The following CNTN3 variants were observed in gnomAD, a reference collection of about 807,000 sequenced individuals.
CNTN3 encodes contactin 3.
CNTN3 carries 60 observed loss-of-function variants against 119.1 expected under a neutral mutation model. The ratio of observed to expected loss-of-function variants is 0.50; its 90% confidence interval spans 0.41 to 0.62. The LOEUF (loss-of-function observed/expected upper bound fraction) is 0.62, where lower values mean the gene tolerates loss of function less well. Ranked by LOEUF, CNTN3 falls within the 20% of genes least tolerant of loss-of-function variation. The pLI, the probability that CNTN3 is intolerant of heterozygous loss-of-function variation, is 0.00. For missense variants in CNTN3, 1,101 were observed against 1,242.4 expected (o/e 0.89, Z 1.71); for synonymous variants, 450 against 438.7 (o/e 1.03, Z -0.32).
rs1701604545 is a variant in CNTN3, at chr3:74,263,025, T to A, written c.*1376A>T. 1 of 152,188 alleles carries A rather than the reference T, an allele frequency of 6.6e-6. No individual in the cohort carries two copies. The highest frequency in any genetic ancestry group is 6.5e-5 in the Admixed American group (1 of 15,278). 9.4% of individuals were successfully genotyped at this position (152,188 alleles called of 1,614,324 possible). A position where few individuals can be genotyped will look rare whatever the true frequency, so the allele number is the denominator to read the frequency against. ...GAATTTCCCTAATTTTTAATCTTTC[T>A]TGTTATCTGAACTGTTTTCTAATTC... is the stretch of plus-strand genomic sequence containing the variant. On this transcript the variant is annotated 3_prime_UTR_variant, in exon 23 of 23. Coordinates refer to ENST00000263665, the MANE Select transcript of CNTN3 (RefSeq NM_020872.3).
intron 2 of CNTN3, among the ~76,000 whole-genome samples, chr3:74,517,811 C>T (rs1389732174): frequency 1.3e-5 from 2 of 151,870 alleles, no homozygotes; most frequent in African/African-American, 4.8e-5. Context: ...TAAACCTTCT[C>T]CTCTGTTGCT....
At chr3:74,391,387 T>C (rs1255404625) in intron 5 of CNTN3, among the ~76,000 whole-genome samples, 1 of 152,066 alleles carries the variant, frequency 6.6e-6, no homozygotes, top group Non-Finnish European at 1.5e-5. Context: ...TACATGACCT[T>C]GAGCAAGCTA....
intron 1 of CNTN3, among the ~76,000 whole-genome samples, chr3:74,576,574 C>T (rs1476221085): frequency 6.6e-6 from 1 of 152,026 alleles, no homozygotes; most frequent in Non-Finnish European, 1.5e-5. Context: ...AAAAGAGGTT[C>T]TTTTTATGTA....
chr3:74,331,559 T>C (rs999180362), intron 13 of CNTN3, among the ~76,000 whole-genome samples: 1 of 152,204 alleles, frequency 6.6e-6, no homozygotes, highest in Non-Finnish European at 1.5e-5. Context: ...CACTCACCCA[T>C]GGGCATCAAC....
intron 3 of CNTN3, among the ~76,000 whole-genome samples, chr3:74,499,026 T>C (rs888297230): frequency 6.6e-6 from 1 of 151,528 alleles, no homozygotes; most frequent in Admixed American, 6.6e-5. Flanking sequence ...CCCCAAAATA[T>C]CAATATTTTT....
At chr3:74,368,570 CA>C (rs1158443609) in intron 8 of CNTN3, among the ~76,000 whole-genome samples, 1 of 151,374 alleles carries the variant, frequency 6.6e-6, no homozygotes, top group African/African-American at 2.4e-5. Context: ...AAAAAAATTT[CA>C]AAAAAAGGCA....
intron 4 of CNTN3, among the ~76,000 whole-genome samples, chr3:74,478,763 G>C (rs980995832): frequency 6.6e-6 from 1 of 151,954 alleles, no homozygotes; most frequent in East Asian, 1.9e-4. Context: ...GCTGCAAAAA[G>C]GTTTCCCACT....
At chr3:74,324,118 A>T (rs949135950) in intron 13 of CNTN3, among the ~76,000 whole-genome samples, 1 of 152,100 alleles carries the variant, frequency 6.6e-6, no homozygotes. Flanking sequence ...GTGGTATCTT[A>T]TATTTTTCAA....
intron 3 of CNTN3, among the ~76,000 whole-genome samples, chr3:74,491,431 T>C (rs7433679): frequency 0.13 from 19,794 of 152,052 alleles, 1,417 homozygotes; most frequent in East Asian, 0.28. Context: ...GCCTGGAAGA[T>C]GGAAGTTGCT....
intron 5 of CNTN3, among the ~76,000 whole-genome samples, chr3:74,373,206 C>T (rs1054119681): frequency 1.3e-5 from 2 of 152,168 alleles, no homozygotes; most frequent in African/African-American, 2.4e-5. Flanking sequence ...TGATGCTTTT[C>T]TCTTGCAATA....
rs546561032 is a variant in CNTN3 at position 74,475,617 on chromosome 3, G to A, written c.358+10839C>T. Among the ~76,000 whole-genome samples, 5 of 152,318 alleles carry A rather than the reference G, an allele frequency of 3.3e-5. No individual in the cohort carries two copies. In the South Asian group the frequency reaches 1.0e-3, roughly 32 times the overall value. On this transcript the variant is annotated intron_variant, in intron 4 of 22. Transcript: ENST00000263665. ...TGGTGTAATATAGATAGAAGGAACG[G>A]TGGAAATGAGTATTATTTCAACCAA... is the stretch of plus-strand genomic sequence containing the variant.
At chr3:74,467,753 G>C (rs79235157) in intron 4 of CNTN3, among the ~76,000 whole-genome samples, 3,138 of 152,194 alleles carry the variant, frequency 0.021, 96 homozygotes, top group African/African-American at 0.067. Flanking sequence ...TCACAGACAA[G>C]CCATAACTGT....
intron 4 of CNTN3, among the ~76,000 whole-genome samples, chr3:74,435,838 G>C (rs1035244416): frequency 3.9e-5 from 6 of 152,062 alleles, no homozygotes; most frequent in Non-Finnish European, 8.8e-5. Context: ...AGTTCTTTTT[G>C]TCTTTGTATT....
chr3:74,508,578 ATAAAG>A lies in CNTN3; in HGVS notation c.56-8798_56-8794del, dbSNP rs1703307336. Among the ~76,000 whole-genome samples, 3 of 152,298 alleles carry A rather than the reference ATAAAG, an allele frequency of 2.0e-5. No homozygotes were observed. The South Asian group carries it at 6.2e-4, about 32-fold the overall frequency. On this transcript the variant is annotated intron_variant, in intron 2 of 22. Transcript: ENST00000263665. ...CATACAACTGATAAACATACAACTG[ATAAAG>A]TAAACATACAACTGATAAAAAGATT...
intron 4 of CNTN3, among the ~76,000 whole-genome samples, chr3:74,447,487 C>T (rs988864953): frequency 4.6e-5 from 7 of 152,276 alleles, no homozygotes; most frequent in African/African-American, 1.4e-4. Flanking sequence ...ACATCTAGCC[C>T]AATATGCATT....
chr3:74,547,959 T>C (rs1191254660), intron 1 of CNTN3, among the ~76,000 whole-genome samples: 1 of 152,182 alleles, frequency 6.6e-6, no homozygotes, highest in African/African-American at 2.4e-5. Context: ...ATATAGTACA[T>C]TTTCATGTAT....
At chr3:74,541,595 T>C (rs962465718) in intron 1 of CNTN3, among the ~76,000 whole-genome samples, 1 of 152,128 alleles carries the variant, frequency 6.6e-6, no homozygotes. Context: ...AAATAATAAA[T>C]GTAAAATCCA....
Position 74,576,465 on chromosome 3 carries a change from GA to G in CNTN3, c.-81+37925del, listed in dbSNP as rs745780039. On this transcript the variant is annotated intron_variant, in intron 1 of 22. Transcript: ENST00000263665. ...GAGTACACACAATTTCTTGAGCAGA[GA>G]AAAAAAAATAATTCTTAACCTGGAC... 3.4e-4 allele frequency among the ~76,000 whole-genome samples: 50 copies of G among 149,202 alleles called. No individual in the cohort carries two copies. The East Asian group carries it at 7.5e-3, about 22-fold the overall frequency.
intron 13 of CNTN3, among the ~76,000 whole-genome samples, chr3:74,310,507 G>A (rs1702659288): frequency 6.6e-6 from 1 of 152,154 alleles, no homozygotes; most frequent in Non-Finnish European, 1.5e-5. Context: ...TGGCTGTTGG[G>A]AGTTCAGCAG....
Sources: gnomAD v4.1 joint callset for allele counts (sites outside exome capture counted in the v4.1 genomes callset) on GRCh38, gnomAD v4.1.1 for gene constraint, MANE v1.5 for transcripts, NCBI Gene and HGNC (gene_info 2026-07-23, HGNC 2026-07-21) for gene names.